Variants in UBE2D2 observed in about 807,000 individuals in gnomAD.
UBE2D2 encodes the protein ubiquitin-conjugating enzyme E2 D2.
UBE2D2 carries 2 observed loss-of-function variants against 24.2 expected under a neutral mutation model. The observed-to-expected ratio is 0.08, with a 90% CI of 0.03 to 0.26. UBE2D2 has a LOEUF of 0.26. UBE2D2 is among the 10% of genes least tolerant of loss of function. The pLI is 1.00. For missense variants in UBE2D2, 44 were observed against 177.6 expected (o/e 0.25, Z 4.28); for synonymous variants, 58 against 56.5 (o/e 1.03, Z -0.12).
intron 1 of UBE2D2, among the ~76,000 whole-genome samples, chr5:139,551,020 A>C (rs914958783): frequency 4.6e-5 from 7 of 152,094 alleles, no homozygotes; most frequent in African/African-American, 1.7e-4. Flanking sequence ...AAAAAGCACA[A>C]GTGTGCATAC....
At chr5:139,589,911 A>C (rs1236815548) in intron 1 of UBE2D2, among the ~76,000 whole-genome samples, 1 of 151,928 alleles carries the variant, frequency 6.6e-6, no homozygotes, top group Non-Finnish European at 1.5e-5. Context: ...CAGCCTCCCG[A>C]GTAGCTGGGA....
intron 1 of UBE2D2, among the ~76,000 whole-genome samples, chr5:139,539,506 A>G (rs977783736): frequency 9.2e-5 from 14 of 152,150 alleles, no homozygotes; most frequent in African/African-American, 3.4e-4. Flanking sequence ...ATAGTTCTGT[A>G]TCTTGATTAT....
intron 1 of UBE2D2, among the ~76,000 whole-genome samples, chr5:139,531,710 C>T (rs1752599686): frequency 1.3e-5 from 2 of 151,870 alleles, no homozygotes; most frequent in South Asian, 4.2e-4. Flanking sequence ...GCCTGTAATC[C>T]CAGCACTTTG....
chr5:139,551,394 A>G lies in UBE2D2; in HGVS notation c.-64+24782A>G, dbSNP rs1752919704. On this transcript the variant is annotated intron_variant, in intron 1 of 6. Transcript: ENST00000511725. Reference sequence around the variant, plus strand: ...TTCTCCAGGAGAACTCCACACTTGCACAATATCTTCTCCAAGGACAGAAGA... The same window carrying G: ...TTCTCCAGGAGAACTCCACACTTGCGCAATATCTTCTCCAAGGACAGAAGA... 2.0e-5 allele frequency among the ~76,000 whole-genome samples: 3 copies of G among 152,192 alleles called. No homozygotes were observed. The South Asian group carries it at 6.2e-4, about 32-fold the overall frequency.
chr5:139,595,040 T>C (rs1753930813), intron 1 of UBE2D2, among the ~76,000 whole-genome samples: 1 of 152,208 alleles, frequency 6.6e-6, no homozygotes, highest in South Asian at 2.1e-4. Flanking sequence ...AGTCTGCACA[T>C]GTTCAGTACA....
intron 1 of UBE2D2, among the ~76,000 whole-genome samples, chr5:139,588,248 G>GT (rs1206193414): frequency 0.017 from 2,460 of 146,910 alleles, 54 homozygotes; most frequent in African/African-American, 0.05. Context: ...CTTGTTTAGC[G>GT]TTTTTTTTTT....
At chr5:139,600,663 T>A (rs894174644) in intron 2 of UBE2D2, among the ~76,000 whole-genome samples, 3 of 152,204 alleles carry the variant, frequency 2.0e-5, no homozygotes, top group Non-Finnish European at 4.4e-5. Flanking sequence ...CTTCATCCCT[T>A]CTGGGTATTT....
intron 1 of UBE2D2, among the ~76,000 whole-genome samples, chr5:139,551,679 A>T (rs189428569): frequency 6.6e-6 from 1 of 152,366 alleles, no homozygotes; most frequent in East Asian, 1.9e-4. Context: ...TCTGCCCTCC[A>T]GAAACTGACA....
chr5:139,563,889 C>T lies in UBE2D2; in HGVS notation c.24+2074C>T, dbSNP rs564706885. On this transcript the variant is annotated intron_variant, in intron 1 of 6. Transcript: ENST00000398733. ...GGCGGAGCTTGCAGTGAGCCGAGAT[C>T]GCGCCACTGCACTCCAGCCTGGGCC... 3.0e-3 allele frequency among the ~76,000 whole-genome samples: 451 copies of T among 151,676 alleles called. 4 individuals are homozygous for T. The highest frequency in any genetic ancestry group is 9.1e-3 in the African/African-American group (374 of 41,302).
At chr5:139,562,250 C>G (rs1753120164) in intron 1 of UBE2D2, 2 of 1,364,122 alleles carry the variant, frequency 1.5e-6, no homozygotes, top group Non-Finnish European at 1.9e-6. Flanking sequence ...CTAGCTCCCT[C>G]CACAAAACCG....
chr5:139,608,315 C>T (rs1754238772), intron 2 of UBE2D2, among the ~76,000 whole-genome samples: 1 of 152,058 alleles, frequency 6.6e-6, no homozygotes, highest in South Asian at 2.1e-4. Context: ...CACCTGTAAT[C>T]CCAGCTACTT....
At chr5:139,585,261 G>A (rs1374786928) in intron 1 of UBE2D2, among the ~76,000 whole-genome samples, 4 of 149,164 alleles carry the variant, frequency 2.7e-5, no homozygotes, top group Non-Finnish European at 5.9e-5. Flanking sequence ...CAAGATGGTT[G>A]GAGTACAGTG....
intron 6 of UBE2D2, among the ~76,000 whole-genome samples, chr5:139,625,440 C>CT (rs35630520): frequency 0.47 from 2,465 of 5,252 alleles, 811 homozygotes; most frequent in East Asian, 0.56. Context: ...ACCCCCCCCC[C>CT]TTTTTTTTTT....
chr5:139,532,730 G>A (rs1335652992), intron 1 of UBE2D2, among the ~76,000 whole-genome samples: 1 of 152,082 alleles, frequency 6.6e-6, no homozygotes, highest in African/African-American at 2.4e-5. Context: ...CAACGGATCA[G>A]CCTGCCTCGG....
chr5:139,596,717 A>G (rs1753966366), intron 1 of UBE2D2, among the ~76,000 whole-genome samples: 1 of 151,972 alleles, frequency 6.6e-6, no homozygotes, highest in South Asian at 2.1e-4. Context: ...CCTGGGAAAC[A>G]TAGTGAGACC....
At chr5:139,624,791 T>A (rs1346926880) in intron 6 of UBE2D2, among the ~76,000 whole-genome samples, 2 of 152,192 alleles carry the variant, frequency 1.3e-5, no homozygotes, top group Non-Finnish European at 2.9e-5. Flanking sequence ...CCAACTTGAG[T>A]TCTAGTGGAT....
rs749269739 is a variant in UBE2D2, at chr5:139,548,163, C to CAAA, written c.-64+21569_-64+21571dup. On this transcript the variant is annotated intron_variant, in intron 1 of 6. Coordinates refer to the UBE2D2 transcript ENST00000511725. ...TGGGCGACAGAGCGAGACTCCGTCT[C>CAAA]AAAAAAAAAAAAAAAAAAAATAAAA... Among the ~76,000 whole-genome samples the CAAA allele has an allele frequency of 4.3e-4, 14 of 32,932 alleles. 1 individual carries two copies. The highest frequency in any genetic ancestry group is 2.2e-3 in the South Asian group (2 of 902). The allele number at this position is 32,932 out of a possible 152,430, so 21.6% of individuals were successfully genotyped here.
intron 1 of UBE2D2, among the ~76,000 whole-genome samples, chr5:139,597,083 T>G (rs558933556): frequency 1.3e-5 from 2 of 151,586 alleles, no homozygotes; most frequent in Admixed American, 1.3e-4. Context: ...TAAACAACTT[T>G]GAGATAGGGT....
chr5:139,605,139 T>C (rs918511374), intron 2 of UBE2D2, among the ~76,000 whole-genome samples: 1 of 152,190 alleles, frequency 6.6e-6, no homozygotes, highest in Non-Finnish European at 1.5e-5. Flanking sequence ...TGGAGACTTG[T>C]GCTTTATTTT....
Sources: allele counts gnomAD v4.1 joint callset (sites outside exome capture counted in the v4.1 genomes callset), GRCh38; gene constraint gnomAD v4.1.1; transcripts MANE v1.5; gene names NCBI Gene and HGNC (gene_info 2026-07-23, HGNC 2026-07-21).